The following LDLRAD4 variants were observed in gnomAD, a reference collection of about 807,000 sequenced individuals.
The protein encoded by LDLRAD4 is low density lipoprotein receptor class A domain containing 4.
Under a neutral mutation model 17.0 loss-of-function variants are expected in LDLRAD4, and 5 were observed. That is an observed-to-expected ratio of 0.29 (90% CI 0.15 to 0.62). LDLRAD4 has a LOEUF of 0.62. Ranked by LOEUF, LDLRAD4 falls within the 20% of genes least tolerant of loss-of-function variation. LDLRAD4 has a pLI of 0.84. For synonymous variants in LDLRAD4, 168 were observed against 171.8 expected, an observed-to-expected ratio of 0.98 and a Z score of 0.17; for missense variants, 340 against 424.7, an observed-to-expected ratio of 0.80 and a Z score of 1.75.
At chr18:13,642,035 C>G in intron 4 of LDLRAD4, 1 of 985,440 alleles carries the variant, frequency 1.0e-6, no homozygotes, top group Non-Finnish European at 1.2e-6. Flanking sequence ...GCGCCGGACC[C>G]CCGCCCTCGT....
chr18:13,549,114 G>A (rs2094404320), intron 3 of LDLRAD4, among the ~76,000 whole-genome samples: 1 of 152,190 alleles, frequency 6.6e-6, no homozygotes, highest in Non-Finnish European at 1.5e-5. Context: ...AGTTGCATGT[G>A]GTGTGGGGGT....
chr18:13,557,347 C>T lies in LDLRAD4; in HGVS notation c.182-63770C>T, dbSNP rs933257919. On this transcript the variant is annotated intron_variant, in intron 3 of 5. Transcript: ENST00000359446. ...ACTTTGTCTTCACTTTGAACATGAT[C>T]CTAACCTAAACTTGACCTTCTCAAA... 2.6e-5 allele frequency among the ~76,000 whole-genome samples: 4 copies of T among 152,206 alleles called. No homozygotes were observed. The South Asian group carries it at 8.3e-4, about 32-fold the overall frequency.
chr18:13,461,023 C>G (rs1029281481), intron 3 of LDLRAD4: 2 of 152,262 alleles, frequency 1.3e-5, no homozygotes, highest in African/African-American at 2.4e-5. Context: ...CTGCACCAAC[C>G]TTTGTCCGCC....
At chr18:13,501,648 AT>A (rs2093616218) in intron 3 of LDLRAD4, among the ~76,000 whole-genome samples, 2 of 151,198 alleles carry the variant, frequency 1.3e-5, no homozygotes, top group Non-Finnish European at 2.9e-5. Context: ...GTGGGTGGGT[AT>A]TATTAATAAT....
intron 1 of LDLRAD4, among the ~76,000 whole-genome samples, chr18:13,316,568 G>A (rs766851784): frequency 3.3e-5 from 5 of 152,228 alleles, no homozygotes; most frequent in Non-Finnish European, 4.4e-5. Context: ...AGTGGACAGC[G>A]ACTACCTGTC....
chr18:13,627,017 C>T (rs1235628323), intron 4 of LDLRAD4, among the ~76,000 whole-genome samples: 1 of 152,262 alleles, frequency 6.6e-6, no homozygotes, highest in Non-Finnish European at 1.5e-5. Context: ...CGCCTATAAT[C>T]TCAGCACTTT....
intron 1 of LDLRAD4, among the ~76,000 whole-genome samples, chr18:13,284,021 A>G (rs969982827): frequency 2.0e-5 from 3 of 152,158 alleles, no homozygotes; most frequent in African/African-American, 7.2e-5. Flanking sequence ...TCATAATTCA[A>G]TTACCTTCCG....
intron 1 of LDLRAD4, among the ~76,000 whole-genome samples, chr18:13,320,183 G>A (rs867419475): frequency 5.3e-5 from 8 of 152,324 alleles, no homozygotes; most frequent in African/African-American, 1.9e-4. Flanking sequence ...GTTTACAAGA[G>A]AGAATGCTGC....
chr18:13,591,426 GTGTGTC>G (rs1203845253), intron 3 of LDLRAD4, among the ~76,000 whole-genome samples: 1 of 32,214 alleles, frequency 3.1e-5, no homozygotes, highest in African/African-American at 1.1e-4. Context: ...ATGTGTGTGT[GTGTGTC>G]TGTGTGTGTG....
chr18:13,296,733 A>G (rs184502212), intron 1 of LDLRAD4, among the ~76,000 whole-genome samples: 2 of 152,330 alleles, frequency 1.3e-5, no homozygotes, highest in African/African-American at 4.8e-5. Context: ...AAACAAGAAA[A>G]TTTAGCAACA....
intron 1 of LDLRAD4, among the ~76,000 whole-genome samples, chr18:13,342,425 T>C (rs562542476): frequency 6.6e-6 from 1 of 151,520 alleles, no homozygotes; most frequent in East Asian, 1.9e-4. Context: ...TAAGGTTTAT[T>C]TGGATGTTCT....
chr18:13,448,559 T>G (rs2091579742), intron 3 of LDLRAD4, among the ~76,000 whole-genome samples: 1 of 151,922 alleles, frequency 6.6e-6, no homozygotes, highest in South Asian at 2.1e-4. Context: ...TTATGTGATG[T>G]CAGAAGTGAG....
chr18:13,243,004 T>C (rs763614115), intron 1 of LDLRAD4, among the ~76,000 whole-genome samples: 1 of 152,174 alleles, frequency 6.6e-6, no homozygotes, highest in Non-Finnish European at 1.5e-5. Flanking sequence ...TGGCGCCTGC[T>C]CTGCCCCTGT....
chr18:13,235,345 G>T (rs2042284600), intron 1 of LDLRAD4, among the ~76,000 whole-genome samples: 1 of 152,162 alleles, frequency 6.6e-6, no homozygotes, highest in South Asian at 2.1e-4. Context: ...TCATAACCTT[G>T]ATTCTCCTAA....
intron 3 of LDLRAD4, among the ~76,000 whole-genome samples, chr18:13,568,233 G>A (rs2094634030): frequency 6.6e-6 from 1 of 151,798 alleles, no homozygotes; most frequent in Admixed American, 6.6e-5. Context: ...GGTGGAGGTT[G>A]CAGTGAGCCA....
rs1309753970 is a variant in LDLRAD4 at position 13,636,423 on chromosome 18, GA to G, written c.337-6923del. Among the ~76,000 whole-genome samples the G allele has an allele frequency of 2.7e-3, 336 of 125,488 alleles. 1 individual carries two copies. Among genetic ancestry groups the G allele is most frequent in the African/African-American group, 5.2e-3 (176 of 34,064 alleles). The allele number at this position is 125,488 out of a possible 152,430, so 82.3% of individuals were successfully genotyped here. ...CATTCACAATACAGATTTCATTTTAGAAAAAAAAAAAAAGCCCAAAGGAAAA... is the reference window on the plus strand; with the variant it reads ...CATTCACAATACAGATTTCATTTTAGAAAAAAAAAAAAGCCCAAAGGAAAA... On this transcript the variant is annotated intron_variant, in intron 4 of 5. Coordinates refer to ENST00000359446, the Ensembl canonical transcript of LDLRAD4.
intron 2 of LDLRAD4, among the ~76,000 whole-genome samples, chr18:13,406,026 T>C (rs982127389): frequency 2.0e-5 from 3 of 152,262 alleles, no homozygotes; most frequent in Admixed American, 6.5e-5. Flanking sequence ...AACAGCGATA[T>C]CACATTTCTT....
chr18:13,521,697 T>C (rs1263493622), intron 3 of LDLRAD4: 1 of 152,126 alleles, frequency 6.6e-6, no homozygotes, highest in Non-Finnish European at 1.5e-5. Flanking sequence ...AGGAGTCATC[T>C]GAGCTTTCTC....
chr18:13,435,949 C>T (rs1405829176), intron 2 of LDLRAD4, among the ~76,000 whole-genome samples: 1 of 152,208 alleles, frequency 6.6e-6, no homozygotes, highest in African/African-American at 2.4e-5. Context: ...GATTTGGAAA[C>T]TGAGGCAGTG....
Sources: gnomAD v4.1 joint callset for allele counts (sites outside exome capture counted in the v4.1 genomes callset) on GRCh38, gnomAD v4.1.1 for gene constraint, MANE v1.5 for transcripts, NCBI Gene and HGNC (gene_info 2026-07-23, HGNC 2026-07-21) for gene names.